The following LRRC8C variants were observed in gnomAD, a reference collection of about 807,000 sequenced individuals.
LRRC8C encodes volume-regulated anion channel subunit LRRC8C.
A neutral mutation model predicts 55.3 loss-of-function variants in LRRC8C; 20 were observed. The ratio of observed to expected loss-of-function variants is 0.36; its 90% CI spans 0.25 to 0.53. The LOEUF (loss-of-function observed/expected upper bound fraction) is 0.53, where lower values mean the gene tolerates loss of function less well. LRRC8C is among the 20% of genes least tolerant of loss of function. The pLI is 0.92. For missense variants in LRRC8C, 659 were observed against 951.4 expected (o/e 0.69, Z 4.04); for synonymous variants, 376 against 360.7 (o/e 1.04, Z -0.48).
intron 2 of LRRC8C, among the ~76,000 whole-genome samples, chr1:89,691,937 A>G (rs1022926402): frequency 5.3e-5 from 8 of 152,238 alleles, no homozygotes; most frequent in Non-Finnish European, 1.2e-4. Flanking sequence ...TATACCTGCT[A>G]TTTAAAAAGA....
chr1:89,634,041 G>A (rs553498252), intron 1 of LRRC8C, among the ~76,000 whole-genome samples: 1 of 152,264 alleles, frequency 6.6e-6, no homozygotes, highest in South Asian at 2.1e-4. Flanking sequence ...CTGTGGACAC[G>A]AATGCCTTTC....
chr1:89,705,571 G>A (rs186742067), intron 2 of LRRC8C, among the ~76,000 whole-genome samples: 34 of 152,108 alleles, frequency 2.2e-4, no homozygotes, highest in African/African-American at 8.0e-4. Context: ...TTTGAGCACA[G>A]GAGTTCGAGA....
intron 1 of LRRC8C, among the ~76,000 whole-genome samples, chr1:89,651,850 T>G (rs1008825941): frequency 6.6e-6 from 1 of 152,140 alleles, no homozygotes; most frequent in Non-Finnish European, 1.5e-5. Flanking sequence ...TAAAACAATA[T>G]TTTGTTAAAG....
intron 1 of LRRC8C, among the ~76,000 whole-genome samples, chr1:89,641,265 T>C (rs2101180483): frequency 6.6e-6 from 1 of 152,308 alleles, no homozygotes; most frequent in Admixed American, 6.5e-5. Context: ...AGGTGTAAAA[T>C]GTTTCTGGTA....
intron 1 of LRRC8C, among the ~76,000 whole-genome samples, chr1:89,636,893 A>T (rs1003044922): frequency 1.3e-5 from 2 of 152,170 alleles, no homozygotes; most frequent in Admixed American, 1.3e-4. Context: ...CTTTGACGTC[A>T]GGGATTTTTA....
intron 2 of LRRC8C, among the ~76,000 whole-genome samples, chr1:89,703,208 T>C (rs985977025): frequency 1.3e-5 from 2 of 152,140 alleles, no homozygotes; most frequent in African/African-American, 4.8e-5. Flanking sequence ...ACCTTAAAGA[T>C]AGATTGCGCA....
At chr1:89,658,229 C>T (rs1657005836) in intron 1 of LRRC8C, among the ~76,000 whole-genome samples, 1 of 152,146 alleles carries the variant, frequency 6.6e-6, no homozygotes, top group African/African-American at 2.4e-5. Context: ...TGCCCGACCT[C>T]TTCCTGTTGA....
chr1:89,647,173 C>T (rs1262707128), intron 1 of LRRC8C, among the ~76,000 whole-genome samples: 3 of 152,110 alleles, frequency 2.0e-5, no homozygotes, highest in Admixed American at 1.3e-4. Flanking sequence ...TATTTCTAGC[C>T]TCTCTTTCTT....
chr1:89,668,924 ATAAT>A (rs765863015), intron 1 of LRRC8C, among the ~76,000 whole-genome samples: 7 of 152,174 alleles, frequency 4.6e-5, no homozygotes, highest in African/African-American at 7.2e-5. Flanking sequence ...GTTTTTATAA[ATAAT>A]TCTATTTTAG....
Position 89,712,756 on chromosome 1 carries a change from T to C in LRRC8C, c.186T>C (p.Ala62=), listed in dbSNP as rs143674196. Reference sequence around the variant, plus strand: ...GCCTTCCGAAAAGAGTGCAGCCTGCTCAGAACCACTCTTCCCTTTCGAATG... The same window carrying C: ...GCCTTCCGAAAAGAGTGCAGCCTGCCCAGAACCACTCTTCCCTTTCGAATG... ...IICLPKRVQP[A]QNHSSLSNVS... is the part of the protein sequence containing the mutation. The change falls in exon 3 of 3, where the codon GCT becomes GCC. Residue 62 remains alanine (A), a synonymous_variant. Coordinates refer to ENST00000370454, the MANE Select transcript of LRRC8C (RefSeq NM_032270.5). 3.7e-6 allele frequency: 6 copies of C among 1,614,142 alleles called. No homozygotes were observed. The East Asian group carries it at 1.3e-4, about 36-fold the overall frequency.
the LRRC8C span, chr1:89,625,231 T>G: frequency 2.0e-5 from 3 of 151,562 alleles, no homozygotes; most frequent in Non-Finnish European, 4.4e-5. Flanking sequence ...ATGTATAATT[T>G]TAATATCTAT....
upstream of LRRC8C, among the ~76,000 whole-genome samples, chr1:89,628,188 T>C (rs1259858674): frequency 6.6e-6 from 1 of 152,226 alleles, no homozygotes; most frequent in Non-Finnish European, 1.5e-5. Context: ...TTCAAAGTTT[T>C]ATAGAATCCT....
At chr1:89,650,950 G>A (rs1394174038) in intron 1 of LRRC8C, among the ~76,000 whole-genome samples, 1 of 152,166 alleles carries the variant, frequency 6.6e-6, no homozygotes, top group Non-Finnish European at 1.5e-5. Flanking sequence ...CCAGTAGAAT[G>A]GGAGTCCCTT....
At chr1:89,640,896 T>C (rs1656438031) in intron 1 of LRRC8C, among the ~76,000 whole-genome samples, 1 of 152,154 alleles carries the variant, frequency 6.6e-6, no homozygotes, top group Admixed American at 6.5e-5. Context: ...ATAAAATATA[T>C]AAAATTAAAG....
Position 89,685,025 on chromosome 1 carries a change from C to G in LRRC8C, c.-4-1445C>G, listed in dbSNP as rs184364051. Reference sequence around the variant, plus strand: ...CAATGCAGCAAGACGGAATAGATAACATTGTAATTGTTGCCAAAGCTGTAA... The same window carrying G: ...CAATGCAGCAAGACGGAATAGATAAGATTGTAATTGTTGCCAAAGCTGTAA... On this transcript the variant is annotated intron_variant, in intron 1 of 2. Coordinates refer to ENST00000370454, the MANE Select transcript of LRRC8C (RefSeq NM_032270.5). Among the ~76,000 whole-genome samples, 4 of 150,102 alleles carry G rather than the reference C, an allele frequency of 2.7e-5. No homozygotes were observed. The East Asian group carries it at 7.9e-4, about 29-fold the overall frequency.
At chr1:89,697,160 C>T (rs1658196247) in intron 2 of LRRC8C, among the ~76,000 whole-genome samples, 1 of 152,136 alleles carries the variant, frequency 6.6e-6, no homozygotes, top group African/African-American at 2.4e-5. Context: ...GTAGATTGGA[C>T]CACAACCTGG....
chr1:89,684,935 G>A (rs373850597), intron 1 of LRRC8C, among the ~76,000 whole-genome samples: 4 of 152,216 alleles, frequency 2.6e-5, no homozygotes, highest in African/African-American at 4.8e-5. Context: ...TCGCCAGGCC[G>A]TTGAAATTTT....
intron 1 of LRRC8C, among the ~76,000 whole-genome samples, chr1:89,685,394 C>A (rs571466522): frequency 1.3e-5 from 2 of 151,972 alleles, no homozygotes; most frequent in Non-Finnish European, 2.9e-5. Flanking sequence ...GGATTACAGG[C>A]GTGAGCCACC....
chr1:89,694,565 C>T (rs995617133), intron 2 of LRRC8C, among the ~76,000 whole-genome samples: 3 of 144,362 alleles, frequency 2.1e-5, no homozygotes, highest in South Asian at 2.2e-4. Context: ...ATTACAGGTG[C>T]GTGACACCAT....
Sources: allele counts gnomAD v4.1 joint callset (sites outside exome capture counted in the v4.1 genomes callset), GRCh38; gene constraint gnomAD v4.1.1; transcripts MANE v1.5; gene names NCBI Gene and HGNC (gene_info 2026-07-23, HGNC 2026-07-21).